Variants in PLXDC2 observed in about 807,000 individuals in gnomAD.
PLXDC2 encodes plexin domain-containing protein 2.
PLXDC2 carries 40 observed loss-of-function variants against 68.9 expected under a neutral mutation model. That is an observed-to-expected ratio of 0.58 (90% CI 0.45 to 0.76). The LOEUF (loss-of-function observed/expected upper bound fraction) is 0.76, where lower values mean the gene tolerates loss of function less well. Ranked by LOEUF, PLXDC2 falls within the 30% of genes least tolerant of loss-of-function variation. PLXDC2 has a pLI of 0.00. For missense variants in PLXDC2, 644 were observed against 661.9 expected, an observed-to-expected ratio of 0.97 and a Z score of 0.30; for synonymous variants, 243 against 234.2, an observed-to-expected ratio of 1.04 and a Z score of -0.34.
chr10:20,066,792 A>G (rs1836219281), intron 3 of PLXDC2, among the ~76,000 whole-genome samples: 1 of 152,214 alleles, frequency 6.6e-6, no homozygotes, highest in South Asian at 2.1e-4. Context: ...GCAAAATGGG[A>G]AAAAGCTAAA....
At position 19,839,635 on chromosome 10, in the gene PLXDC2, G is replaced by GCT. The variant is rs11433960; in HGVS notation, c.112+22444_112+22445insCT. ...GATAATGCCCACCTCACATGTTGGT[G>GCT]TTTTTTTTTTTTGTGATGATTAAAA... On this transcript the variant is annotated intron_variant, in intron 1 of 13. Coordinates refer to ENST00000377252, the MANE Select transcript of PLXDC2 (RefSeq NM_032812.9). Among the ~76,000 whole-genome samples, 1,411 of 147,326 alleles carry GCT rather than the reference G, an allele frequency of 9.6e-3. 13 individuals carry two copies. The highest frequency in any genetic ancestry group is 0.014 in the Non-Finnish European group (919 of 66,724).
At chr10:20,126,824 G>GTATATAGAACACACGTTATATA (rs1833797354) in intron 4 of PLXDC2, among the ~76,000 whole-genome samples, 5 of 87,000 alleles carry the variant, frequency 5.7e-5, no homozygotes, top group African/African-American at 1.7e-4. Context: ...TAACATATAT[G>GTATATAGAACACACGTTATATA]TGTATATATA....
chr10:19,945,788 T>C (rs960949221), intron 1 of PLXDC2, among the ~76,000 whole-genome samples: 8 of 152,218 alleles, frequency 5.3e-5, no homozygotes, highest in Non-Finnish European at 1.2e-4. Flanking sequence ...AGAGCCCGTA[T>C]CTAACTCCAA....
intron 5 of PLXDC2, among the ~76,000 whole-genome samples, chr10:20,145,863 T>A (rs761056218): frequency 5.3e-5 from 8 of 152,070 alleles, no homozygotes; most frequent in African/African-American, 1.9e-4. Flanking sequence ...AACAGTGTGG[T>A]TTTTAACAAC....
chr10:19,953,975 C>T (rs945847726), intron 1 of PLXDC2, among the ~76,000 whole-genome samples: 8 of 152,056 alleles, frequency 5.3e-5, no homozygotes, highest in African/African-American at 1.9e-4. Flanking sequence ...GTGATAAAAT[C>T]GTGCATTTAA....
intron 11 of PLXDC2, 21 bp downstream of exon 11, chr10:20,217,597 T>C (rs12783810): frequency 2.3e-5 from 2 of 85,234 alleles, no homozygotes; most frequent in Non-Finnish European, 1.5e-5. Flanking sequence ...GATAGTTTGC[T>C]TTTTTTTTTT....
rs953573982 is a variant in PLXDC2 at position 20,283,114 on chromosome 10, G to A, written c.*3295G>A. On this transcript the variant is annotated 3_prime_UTR_variant, in exon 14 of 14. Coordinates refer to ENST00000377252, the MANE Select transcript of PLXDC2 (RefSeq NM_032812.9). ...TGTTTCATTTGAATTCGTTGTCCTT[G>A]AAGAAAAGGGAAGAAGAGGAAAGAA... 1.3e-5 allele frequency: 2 copies of A among 152,104 alleles called. No individual in the cohort carries two copies. The highest frequency in any genetic ancestry group is 2.4e-5 in the African/African-American group (1 of 41,426). 9.4% of individuals were successfully genotyped at this position (152,104 alleles called of 1,614,324 possible). A position where few individuals can be genotyped will look rare whatever the true frequency, so the allele number is the denominator to read the frequency against.
intron 2 of PLXDC2, among the ~76,000 whole-genome samples, chr10:20,024,334 G>T (rs548359542): frequency 1.3e-5 from 2 of 152,246 alleles, no homozygotes; most frequent in South Asian, 4.1e-4. Flanking sequence ...ATAATCTAGT[G>T]CATAGACCTA....
intron 1 of PLXDC2, among the ~76,000 whole-genome samples, chr10:19,930,120 C>T (rs1185803664): frequency 6.6e-6 from 1 of 151,978 alleles, no homozygotes; most frequent in Non-Finnish European, 1.5e-5. Context: ...TTTTAAGTTG[C>T]CCAAATTCCC....
chr10:20,086,071 C>A (rs1487101757), intron 4 of PLXDC2, among the ~76,000 whole-genome samples: 2 of 152,268 alleles, frequency 1.3e-5, no homozygotes, highest in East Asian at 1.9e-4. Flanking sequence ...CTCAATGTCA[C>A]CTCTGTTTTA....
At chr10:20,276,838 T>G (rs1181202734) in intron 13 of PLXDC2, among the ~76,000 whole-genome samples, 1 of 152,162 alleles carries the variant, frequency 6.6e-6, no homozygotes, top group East Asian at 1.9e-4. Context: ...GGATCAGGTT[T>G]TCAGATCCTT....
chr10:19,847,619 A>C (rs1221936064), intron 1 of PLXDC2, among the ~76,000 whole-genome samples: 1 of 152,200 alleles, frequency 6.6e-6, no homozygotes, highest in African/African-American at 2.4e-5. Context: ...ATACACATTT[A>C]AGTTTGAAGA....
At chr10:19,954,476 A>G (rs929858488) in intron 1 of PLXDC2, among the ~76,000 whole-genome samples, 3 of 152,230 alleles carry the variant, frequency 2.0e-5, no homozygotes, top group African/African-American at 7.2e-5. Flanking sequence ...TTATTTGCAC[A>G]TGATATCTGA....
chr10:20,126,295 A>G (rs988711517), intron 4 of PLXDC2, among the ~76,000 whole-genome samples: 19 of 135,984 alleles, frequency 1.4e-4, no homozygotes, highest in African/African-American at 4.9e-4. Context: ...GTTATATAAT[A>G]CATATATACA....
chr10:20,176,915 A>T, intron 7 of PLXDC2, 84 bp from the exon 8 acceptor site: 1 of 982,038 alleles, frequency 1.0e-6, no homozygotes, highest in Non-Finnish European at 1.5e-6. Context: ...CTATATGTAT[A>T]TAATTCTATA....
chr10:20,231,593 G>T (rs907096932), intron 12 of PLXDC2, among the ~76,000 whole-genome samples: 3 of 150,056 alleles, frequency 2.0e-5, no homozygotes, highest in African/African-American at 7.3e-5. Context: ...AATAAGAGTA[G>T]AAAAATAAAA....
intron 12 of PLXDC2, among the ~76,000 whole-genome samples, chr10:20,228,142 T>C (rs1835310978): frequency 1.3e-5 from 2 of 152,184 alleles, no homozygotes; most frequent in Non-Finnish European, 1.5e-5. Flanking sequence ...TCAGTAGGCA[T>C]TTTTCTATAT....
Position 19,951,797 on chromosome 10 carries a change from A to G in PLXDC2, c.113-49978A>G, listed in dbSNP as rs374180262. On this transcript the variant is annotated intron_variant, in intron 1 of 13. Coordinates refer to ENST00000377252, the MANE Select transcript of PLXDC2 (RefSeq NM_032812.9). Reference sequence around the variant, plus strand: ...AAAGAAAATGTGAGACATAAACACCATGGACTACTACATAGCCATAAAAAA... The same window carrying G: ...AAAGAAAATGTGAGACATAAACACCGTGGACTACTACATAGCCATAAAAAA... Among the ~76,000 whole-genome samples, 4 of 152,374 alleles carry G rather than the reference A, an allele frequency of 2.6e-5. No individual in the cohort carries two copies. The East Asian group carries it at 5.8e-4, about 22-fold the overall frequency.
At chr10:20,145,083 G>T (rs949980846) in intron 5 of PLXDC2, among the ~76,000 whole-genome samples, 1 of 152,024 alleles carries the variant, frequency 6.6e-6, no homozygotes, top group South Asian at 2.1e-4. Flanking sequence ...TATTTAGGAC[G>T]TAGGTCCTAA....
Sources: gnomAD v4.1 joint callset for allele counts (sites outside exome capture counted in the v4.1 genomes callset) on GRCh38, gnomAD v4.1.1 for gene constraint, MANE v1.5 for transcripts, NCBI Gene and HGNC (gene_info 2026-07-23, HGNC 2026-07-21) for gene names.